Variants in GRM3 observed in about 807,000 individuals in gnomAD.
The protein encoded by GRM3 is metabotropic glutamate receptor 3.
Under a neutral mutation model 70.5 loss-of-function variants are expected in GRM3, and 26 were observed. The observed-to-expected ratio is 0.37, with a 90% CI of 0.27 to 0.51. The LOEUF (loss-of-function observed/expected upper bound fraction) is 0.51. Among genes scored for constraint, GRM3 ranks in the 20% least tolerant of loss-of-function variants. GRM3 has a pLI of 0.93. For synonymous variants in GRM3, 443 were observed against 434.9 expected (o/e 1.02, Z -0.23); for missense variants, 859 against 1,123.8 (o/e 0.76, Z 3.37).
intron 1 of GRM3, among the ~76,000 whole-genome samples, chr7:86,668,110 G>A (rs1264227346): frequency 1.3e-5 from 2 of 152,114 alleles, no homozygotes; most frequent in African/African-American, 4.8e-5. Context: ...ACTCAGGTGT[G>A]CCTAATCTTG....
intron 1 of GRM3, among the ~76,000 whole-genome samples, chr7:86,712,923 G>C (rs550637834): frequency 4.7e-4 from 71 of 152,166 alleles, no homozygotes; most frequent in Middle Eastern, 3.4e-3. Context: ...ATTGTGAATA[G>C]TGCTGCAATA....
intron 2 of GRM3, among the ~76,000 whole-genome samples, chr7:86,770,094 C>G (rs1342047886): frequency 6.6e-6 from 1 of 152,080 alleles, no homozygotes; most frequent in Non-Finnish European, 1.5e-5. Flanking sequence ...TAGTTAACTG[C>G]TAAGTTGTTC....
At chr7:86,811,448 A>G (rs1353295675) in intron 3 of GRM3, among the ~76,000 whole-genome samples, 2 of 151,688 alleles carry the variant, frequency 1.3e-5, no homozygotes, top group East Asian at 3.9e-4. Flanking sequence ...CAATGTTTCC[A>G]CTCACCAGGA....
At chr7:86,840,753 T>C (rs1322192419) in intron 4 of GRM3, among the ~76,000 whole-genome samples, 2 of 152,188 alleles carry the variant, frequency 1.3e-5, no homozygotes, top group Non-Finnish European at 2.9e-5. Context: ...TCTTAAATTG[T>C]CAGAGATTAA....
intron 1 of GRM3, among the ~76,000 whole-genome samples, chr7:86,672,138 A>G (rs369023577): frequency 6.6e-6 from 1 of 152,210 alleles, no homozygotes; most frequent in Non-Finnish European, 1.5e-5. Flanking sequence ...ACTCCATTCT[A>G]AAGAGTATCC....
chr7:86,838,746 G>A, intron 3 of GRM3, 93 bp from the exon 4 acceptor site: 2 of 678,588 alleles, frequency 2.9e-6, no homozygotes, highest in Non-Finnish European at 2.5e-6. Context: ...ACCATTTCCT[G>A]TTATTTCAGT....
chr7:86,862,566 A>G (rs1798980490), intron 5 of GRM3, among the ~76,000 whole-genome samples: 1 of 152,164 alleles, frequency 6.6e-6, no homozygotes, highest in African/African-American at 2.4e-5. Context: ...TATTGTAAAG[A>G]AAATTGAACC....
At chr7:86,701,032 G>A (rs1315612301) in intron 1 of GRM3, among the ~76,000 whole-genome samples, 1 of 151,624 alleles carries the variant, frequency 6.6e-6, no homozygotes, top group African/African-American at 2.4e-5. Context: ...CATTAGCAAG[G>A]CTCTACTACT....
chr7:86,683,623 C>T (rs187540477), intron 1 of GRM3, among the ~76,000 whole-genome samples: 11 of 152,170 alleles, frequency 7.2e-5, no homozygotes, highest in East Asian at 1.9e-4. Context: ...TTGATATCAC[C>T]GACACCAAGG....
intron 3 of GRM3, among the ~76,000 whole-genome samples, chr7:86,796,100 C>T (rs1412457194): frequency 6.6e-6 from 1 of 152,150 alleles, no homozygotes; most frequent in East Asian, 1.9e-4. Context: ...GCTTTTGTGG[C>T]AATTGCTTTT....
intron 3 of GRM3, among the ~76,000 whole-genome samples, chr7:86,792,323 G>T (rs1797438168): frequency 6.6e-6 from 1 of 152,158 alleles, no homozygotes; most frequent in Non-Finnish European, 1.5e-5. Flanking sequence ...ACATAAAAAT[G>T]AACTCAACTG....
At chr7:86,748,729 A>G (rs1475556252) in intron 1 of GRM3, among the ~76,000 whole-genome samples, 4 of 152,026 alleles carry the variant, frequency 2.6e-5, no homozygotes, top group Non-Finnish European at 5.9e-5. Context: ...ATTACATTAA[A>G]AGGTATACTG....
At chr7:86,652,226 AC>A (rs1320706814) in intron 1 of GRM3, among the ~76,000 whole-genome samples, 2 of 75,354 alleles carry the variant, frequency 2.7e-5, no homozygotes, top group Admixed American at 3.2e-4. Flanking sequence ...CTCACCCTCT[AC>A]TTTTTTTTTC....
At chr7:86,741,037 T>C (rs1795979018) in intron 1 of GRM3, among the ~76,000 whole-genome samples, 1 of 152,114 alleles carries the variant, frequency 6.6e-6, no homozygotes, top group Admixed American at 6.6e-5. Flanking sequence ...AACCATCATC[T>C]CTCTCCCACC....
intron 2 of GRM3, among the ~76,000 whole-genome samples, chr7:86,783,654 G>A (rs1797140256): frequency 1.3e-5 from 2 of 152,050 alleles, no homozygotes; most frequent in Non-Finnish European, 2.9e-5. Context: ...AAAGAGAAAG[G>A]AGAGAGACTT....
intron 3 of GRM3, among the ~76,000 whole-genome samples, chr7:86,822,908 C>T (rs1454461318): frequency 6.6e-6 from 1 of 152,116 alleles, no homozygotes; most frequent in African/African-American, 2.4e-5. Context: ...GTTAATCCAG[C>T]TTGTTATATT....
chr7:86,755,143 C>T (rs1164036497), intron 1 of GRM3, among the ~76,000 whole-genome samples: 2 of 151,736 alleles, frequency 1.3e-5, no homozygotes, highest in African/African-American at 4.8e-5. Flanking sequence ...GAATTCACCT[C>T]ACTTTAGAAG....
chr7:86,797,116 A>G lies in GRM3; in HGVS notation c.1324+10000A>G, dbSNP rs1584250944. On this transcript the variant is annotated intron_variant, in intron 3 of 5. Coordinates refer to ENST00000361669, the MANE Select transcript of GRM3 (RefSeq NM_000840.3). ...TTTATTAACCGAGTGAAAATGAATT[A>G]ATACAATAAATTGGTACCAGTAGAG... Among the ~76,000 whole-genome samples, 6 of 152,314 alleles carry G rather than the reference A, an allele frequency of 3.9e-5. No homozygotes were observed. In the South Asian group the frequency reaches 1.2e-3, roughly 32 times the overall value.
chr7:86,722,523 G>T (rs757248207), intron 1 of GRM3, among the ~76,000 whole-genome samples: 1 of 146,388 alleles, frequency 6.8e-6, no homozygotes, highest in Non-Finnish European at 1.5e-5. Context: ...AACACCACAC[G>T]TTCTCACTCC....
Sources: gnomAD v4.1 joint callset for allele counts (sites outside exome capture counted in the v4.1 genomes callset) on GRCh38, gnomAD v4.1.1 for gene constraint, MANE v1.5 for transcripts, NCBI Gene and HGNC (gene_info 2026-07-23, HGNC 2026-07-21) for gene names.